Variants in BCKDHB observed in about 807,000 individuals in gnomAD.
BCKDHB encodes the protein 2-oxoisovalerate dehydrogenase subunit beta, mitochondrial.
BCKDHB carries 41 observed loss-of-function variants against 48.5 expected under a neutral mutation model. The ratio of observed to expected loss-of-function variants is 0.85; its 90% CI spans 0.66 to 1.10. The LOEUF is 1.10. Ranked by LOEUF, BCKDHB falls within the 50% of genes least tolerant of loss-of-function variation. BCKDHB has a pLI of 0.00. For synonymous variants in BCKDHB, 201 were observed against 174.8 expected, an observed-to-expected ratio of 1.15 and a Z score of -1.18; for missense variants, 496 against 494.2, an observed-to-expected ratio of 1.00 and a Z score of -0.03.
At chr6:80,242,339 T>C (rs1339736215) in intron 8 of BCKDHB, among the ~76,000 whole-genome samples, 11 of 152,192 alleles carry the variant, frequency 7.2e-5, no homozygotes. Context: ...CTGTCCATTT[T>C]ATGTTTCTTT....
chr6:80,370,795 CGTGTGTGTGTGTGTATATATATAT>C, the BCKDHB span, among the ~76,000 whole-genome samples: 2 of 87,774 alleles, frequency 2.3e-5, no homozygotes, highest in African/African-American at 9.6e-5. Flanking sequence ...GTATATATAG[CGTGTGTGTGTGTGTATATATATAT>C]GTGTGTGTGT....
chr6:80,197,509 T>G (rs1304923260), intron 6 of BCKDHB, among the ~76,000 whole-genome samples: 1 of 152,188 alleles, frequency 6.6e-6, no homozygotes, highest in South Asian at 2.1e-4. Flanking sequence ...AATAGAGCAA[T>G]TAATTGCTCA....
chr6:80,380,240 A>G, the BCKDHB span, among the ~76,000 whole-genome samples: 1 of 151,992 alleles, frequency 6.6e-6, no homozygotes, highest in African/African-American at 2.4e-5. Context: ...AAAATGGTAC[A>G]TGGATCAGTG....
chr6:80,176,825 C>G (rs913303597), intron 6 of BCKDHB, among the ~76,000 whole-genome samples: 2 of 151,374 alleles, frequency 1.3e-5, no homozygotes, highest in Non-Finnish European at 3.0e-5. Flanking sequence ...CCAGATACTC[C>G]CACAGATAAA....
chr6:80,357,213 C>T, the BCKDHB span, among the ~76,000 whole-genome samples: 16 of 152,102 alleles, frequency 1.1e-4, no homozygotes, highest in Non-Finnish European at 1.9e-4. Flanking sequence ...GAACTAGCAA[C>T]TGTGGGAAGT....
At chr6:80,189,613 A>C (rs1024130434) in intron 6 of BCKDHB, among the ~76,000 whole-genome samples, 1 of 152,150 alleles carries the variant, frequency 6.6e-6, no homozygotes. Flanking sequence ...TATATATATA[A>C]CTGTGTGTTG....
At chr6:80,402,558 G>A in the BCKDHB span, among the ~76,000 whole-genome samples, 1 of 151,754 alleles carries the variant, frequency 6.6e-6, no homozygotes, top group African/African-American at 2.4e-5. Context: ...CATTCTGTAG[G>A]TTGTCTCTTC....
At chr6:80,259,395 G>T (rs1328997832) in intron 8 of BCKDHB, among the ~76,000 whole-genome samples, 1 of 152,138 alleles carries the variant, frequency 6.6e-6, no homozygotes. Flanking sequence ...AGTAGGACCG[G>T]GGAGCAATAA....
At chr6:80,170,502 C>T (rs1020628326) in intron 5 of BCKDHB, among the ~76,000 whole-genome samples, 10 of 152,272 alleles carry the variant, frequency 6.6e-5, no homozygotes, top group Middle Eastern at 3.4e-3. Flanking sequence ...TCAAGCAAGT[C>T]GTGTGACCTT....
chr6:80,436,147 C>CTTTTT, the BCKDHB span, among the ~76,000 whole-genome samples: 284 of 70,374 alleles, frequency 4.0e-3, 73 homozygotes, highest in South Asian at 6.4e-3. Flanking sequence ...AAATTCTTTT[C>CTTTTT]TTTTTTTTTT....
the BCKDHB span, among the ~76,000 whole-genome samples, chr6:80,430,326 C>G: frequency 6.6e-6 from 1 of 152,030 alleles, no homozygotes; most frequent in African/African-American, 2.4e-5. Context: ...CTAAAATTTT[C>G]TTTTTTGTTG....
chr6:80,213,819 C>G (rs1274409744), intron 8 of BCKDHB, among the ~76,000 whole-genome samples: 2 of 152,046 alleles, frequency 1.3e-5, no homozygotes, highest in Non-Finnish European at 2.9e-5. Context: ...TGAAGACATA[C>G]TCATAGAAAT....
intron 8 of BCKDHB, among the ~76,000 whole-genome samples, chr6:80,210,671 G>T (rs1441349610): frequency 6.6e-6 from 1 of 152,052 alleles, no homozygotes; most frequent in Non-Finnish European, 1.5e-5. Flanking sequence ...TATGGACTCA[G>T]GGAGAGAGAG....
chr6:80,181,504 A>G (rs535445381), intron 6 of BCKDHB, among the ~76,000 whole-genome samples: 2 of 152,172 alleles, frequency 1.3e-5, no homozygotes, highest in Non-Finnish European at 2.9e-5. Flanking sequence ...GTCACAGCTC[A>G]GCAATTCTGG....
At chr6:80,318,932 G>T (rs1768577547) in intron 9 of BCKDHB, among the ~76,000 whole-genome samples, 1 of 152,098 alleles carries the variant, frequency 6.6e-6, no homozygotes, top group African/African-American at 2.4e-5. Context: ...TCTATGGAAG[G>T]TTCTCAAGCC....
chr6:80,387,036 G>A, the BCKDHB span, among the ~76,000 whole-genome samples: 3,627 of 152,220 alleles, frequency 0.024, 137 homozygotes, highest in African/African-American at 0.083. Context: ...ATTGGGTAAA[G>A]GGAAATGATT....
chr6:80,379,332 A>G, the BCKDHB span, among the ~76,000 whole-genome samples: 2 of 152,126 alleles, frequency 1.3e-5, no homozygotes, highest in African/African-American at 2.4e-5. Flanking sequence ...ACAAAGAACA[A>G]AAACTTTCTG....
rs183863416 is a variant in BCKDHB at position 80,152,128 on chromosome 6, G to A, written c.344-15550G>A. The stretch of plus-strand genomic sequence containing the variant: ...GGTTGTATTCAAGCACTGTGGAGTC[G>A]TTACAGGTTTATTCAGAAATATTTT... On this transcript the variant is annotated intron_variant, in intron 3 of 9. Coordinates refer to ENST00000320393, the MANE Select transcript of BCKDHB (RefSeq NM_183050.4). Among the ~76,000 whole-genome samples, 106 of 151,400 alleles carry A rather than the reference G, an allele frequency of 7.0e-4. 1 individual carries two copies. The highest frequency in any genetic ancestry group is 2.3e-3 in the African/African-American group (94 of 41,402).
chr6:80,199,933 A>G (rs1217797356), intron 6 of BCKDHB, among the ~76,000 whole-genome samples: 3 of 151,030 alleles, frequency 2.0e-5, no homozygotes, highest in Non-Finnish European at 3.0e-5. Flanking sequence ...TTAGCCTGGC[A>G]GTAGTGGTGT....
Sources: gnomAD v4.1 joint callset for allele counts (sites outside exome capture counted in the v4.1 genomes callset) on GRCh38, gnomAD v4.1.1 for gene constraint, MANE v1.5 for transcripts, NCBI Gene and HGNC (gene_info 2026-07-23, HGNC 2026-07-21) for gene names.